DMD: variants seen among roughly 807,000 people sequenced by gnomAD.
DMD encodes dystrophin, also known as mutant dystrophin.
Under a neutral mutation model 330.1 loss-of-function variants are expected in DMD, and 63 were observed. That is an observed-to-expected ratio of 0.19 (90% confidence interval 0.16 to 0.24). The LOEUF (loss-of-function observed/expected upper bound fraction) is 0.24, where lower values mean the gene tolerates loss of function less well. Among genes scored for constraint, DMD ranks in the 10% least tolerant of loss-of-function variants. The pLI is 1.00. For synonymous variants in DMD, 1,223 were observed against 959.8 expected, an observed-to-expected ratio of 1.27 and a Z score of -5.07; for missense variants, 3,344 against 2,684.1, an observed-to-expected ratio of 1.25 and a Z score of -5.43.
intron 4 of DMD, among the ~76,000 whole-genome samples, chrX:32,834,166 CAG>C (rs1354316249): frequency 9.0e-6 from 1 of 111,406 alleles, no homozygotes; most frequent in African/African-American, 3.2e-5. Flanking sequence ...TGATAAGTTA[CAG>C]AGTTAACAAG....
At chrX:32,349,176 T>C (rs902231351) in intron 37 of DMD, among the ~76,000 whole-genome samples, 6 of 111,661 alleles carry the variant, frequency 5.4e-5, no homozygotes, top group Non-Finnish European at 7.6e-5. Flanking sequence ...ACTTTTGAAC[T>C]GATAATGACC....
At chrX:32,665,189 T>C (rs769595476) in intron 9 of DMD, among the ~76,000 whole-genome samples, 41 of 112,123 alleles carry the variant, frequency 3.7e-4, no homozygotes, top group African/African-American at 1.3e-3. Context: ...GGTTGTGATA[T>C]ATGCAGAATA....
chrX:32,502,380 A>G (rs2044147177), intron 18 of DMD, among the ~76,000 whole-genome samples: 2 of 111,380 alleles, frequency 1.8e-5, no homozygotes, highest in African/African-American at 6.5e-5. Context: ...TAATCAAAGT[A>G]CTCCTATTTC....
intron 62 of DMD, among the ~76,000 whole-genome samples, chrX:31,305,913 T>G (rs752932993): frequency 8.9e-6 from 1 of 112,508 alleles, no homozygotes; most frequent in East Asian, 2.8e-4. Context: ...AAGTGAGGTT[T>G]GGCAATAAGT....
At chrX:31,928,046 C>T (rs2094803494) in intron 47 of DMD, among the ~76,000 whole-genome samples, 1 of 111,699 alleles carries the variant, frequency 9.0e-6, no homozygotes, top group East Asian at 2.8e-4. Flanking sequence ...AAAATGATTG[C>T]GTATATACAT....
At chrX:33,022,566 T>C (rs1438254336) in intron 1 of DMD, among the ~76,000 whole-genome samples, 2 of 109,254 alleles carry the variant, frequency 1.8e-5, no homozygotes, top group African/African-American at 3.3e-5. Context: ...CAATTAATTG[T>C]ATTATTATTA....
At chrX:32,661,935 G>A (rs907470283) in intron 9 of DMD, among the ~76,000 whole-genome samples, 3 of 111,100 alleles carry the variant, frequency 2.7e-5, no homozygotes, top group African/African-American at 9.8e-5. Context: ...AATCATACCC[G>A]AAACCTGTCA....
In DMD at chrX:33,031,147, A is replaced by C. The variant is rs192779993; in HGVS notation, c.32-10947T>G. On this transcript the variant is annotated intron_variant, in intron 1 of 78. Coordinates refer to ENST00000357033, the MANE Select transcript of DMD (RefSeq NM_004006.3). ...ATGCTGAAGATTCCTCACCACAAGC[A>C]TCCACATCTCTCTGTTTCTTTGTGT... 4.5e-5 allele frequency among the ~76,000 whole-genome samples: 5 copies of C among 111,245 alleles called. No homozygotes were observed. In the East Asian group the frequency reaches 1.4e-3, roughly 32 times the overall value.
chrX:31,123,940 A>T (rs2033232121), intron 78 of DMD, among the ~76,000 whole-genome samples: 1 of 112,060 alleles, frequency 8.9e-6, no homozygotes, highest in Admixed American at 9.5e-5. Context: ...ATAATAAAAC[A>T]AATAAATGCA....
At chrX:33,272,525 A>T (rs2053173848) in intron 1 of DMD, among the ~76,000 whole-genome samples, 1 of 111,852 alleles carries the variant, frequency 8.9e-6, no homozygotes, top group African/African-American at 3.3e-5. Flanking sequence ...AAGTTTAAGT[A>T]AATCAAATTA....
intron 2 of DMD, among the ~76,000 whole-genome samples, chrX:32,917,242 G>A (rs1050170556): frequency 4.8e-5 from 5 of 103,188 alleles, no homozygotes; most frequent in East Asian, 3.1e-4. Context: ...GATTGTCAGC[G>A]TCCTGAGGCC....
chrX:33,110,542 C>T (rs1431622184), intron 1 of DMD, among the ~76,000 whole-genome samples: 1 of 110,974 alleles, frequency 9.0e-6, no homozygotes, highest in African/African-American at 3.3e-5. Flanking sequence ...TTCAAGATAT[C>T]CAAAACAACT....
At chrX:32,428,108 G>A (rs1027402611) in intron 29 of DMD, among the ~76,000 whole-genome samples, 3 of 110,395 alleles carry the variant, frequency 2.7e-5, no homozygotes, top group African/African-American at 6.6e-5. Flanking sequence ...TACTTTCTCT[G>A]CATTTATTAT....
chrX:31,491,539 G>A (rs1291818663), intron 57 of DMD, among the ~76,000 whole-genome samples: 1 of 112,140 alleles, frequency 8.9e-6, no homozygotes, highest in East Asian at 2.8e-4. Context: ...ATTTGCTAAG[G>A]CATATTTGAG....
intron 47 of DMD, among the ~76,000 whole-genome samples, chrX:31,895,749 C>T (rs767060110): frequency 2.7e-5 from 3 of 111,955 alleles, no homozygotes; most frequent in South Asian, 7.4e-4. Context: ...GCAGTAGATA[C>T]TTAGTGGCTG....
At chrX:33,196,826 C>A (rs1257240131) in intron 1 of DMD, among the ~76,000 whole-genome samples, 2 of 110,999 alleles carry the variant, frequency 1.8e-5, no homozygotes, top group African/African-American at 6.6e-5. Flanking sequence ...TCAATTAATA[C>A]TAGTTAAATA....
At chrX:32,775,136 C>T (rs1260563466) in intron 7 of DMD, among the ~76,000 whole-genome samples, 1 of 112,809 alleles carries the variant, frequency 8.9e-6, no homozygotes, top group African/African-American at 3.2e-5. Context: ...ATATCCAGGG[C>T]AGGCTGATGC....
chrX:32,930,799 C>A (rs2089517353), intron 2 of DMD, among the ~76,000 whole-genome samples: 1 of 109,796 alleles, frequency 9.1e-6, no homozygotes, highest in Non-Finnish European at 1.9e-5. Context: ...TAAGCAAAAC[C>A]ATTCATTTCT....
chrX:32,620,763 G>C (rs1459047978), intron 11 of DMD, among the ~76,000 whole-genome samples: 3 of 111,567 alleles, frequency 2.7e-5, no homozygotes, highest in Non-Finnish European at 3.8e-5. Flanking sequence ...AAGTAGCTTA[G>C]AGACTATTAG....
Sources: allele counts gnomAD v4.1 joint callset (sites outside exome capture counted in the v4.1 genomes callset), GRCh38; gene constraint gnomAD v4.1.1; transcripts MANE v1.5; gene names NCBI Gene and HGNC (gene_info 2026-07-23, HGNC 2026-07-21).